The following USH2A variants were observed in gnomAD, a reference collection of about 807,000 sequenced individuals.
USH2A encodes Usher syndrome 2A (autosomal recessive, mild).
A neutral mutation model predicts 538.9 loss-of-function variants in USH2A; 443 were observed. That is an observed-to-expected ratio of 0.82 (90% CI 0.76 to 0.89). The LOEUF is 0.89. Ranked by LOEUF, USH2A falls within the 40% of genes least tolerant of loss-of-function variation. USH2A has a pLI of 0.00. For missense variants in USH2A, 6,633 were observed against 6,324.8 expected, an observed-to-expected ratio of 1.05 and a Z score of -1.65; for synonymous variants, 2,413 against 2,273.5, an observed-to-expected ratio of 1.06 and a Z score of -1.75.
chr1:216,030,134 C>A (rs1669069206), intron 32 of USH2A, among the ~76,000 whole-genome samples: 1 of 138,646 alleles, frequency 7.2e-6, no homozygotes, highest in Admixed American at 7.5e-5. Flanking sequence ...ATATACATAA[C>A]AGATATATAA....
intron 5 of USH2A, among the ~76,000 whole-genome samples, chr1:216,327,253 G>A (rs2037752003): frequency 6.6e-6 from 1 of 152,110 alleles, no homozygotes; most frequent in Non-Finnish European, 1.5e-5. Context: ...AAAGGCAGAT[G>A]TAGAAGTTTC....
chr1:216,207,367 C>T lies in USH2A; in HGVS notation c.3222G>A (p.Trp1074Ter). ...GGGCATTTGGAGAATCAGGTGGACT[C>T]CAGGAGAGATTGATAGCAGAAGAAC... is the stretch of plus-strand genomic sequence containing the variant. ...VQSSSAINLS[W>*]SPPDSPNAHW... The change falls in exon 16 of 72, where the codon TGG becomes TGA. Residue 1074 changes from tryptophan (W) to a stop codon, truncating the protein, a stop_gained. Coordinates refer to ENST00000307340, the MANE Select transcript of USH2A (RefSeq NM_206933.4). LOFTEE classifies it high-confidence loss of function. The T allele has an allele frequency of 6.2e-7, 1 of 1,613,952 alleles. No individual in the cohort carries two copies. The highest frequency in any genetic ancestry group is 8.5e-7 in the Non-Finnish European group (1 of 1,179,954).
Position 215,759,671 on chromosome 1 carries a change from C to A in USH2A, c.11220G>T (p.Glu3740Asp), listed in dbSNP as rs1170088702. ...TTCTTTTAGTTTACCTGCTATTGGG[C>A]TCCAGGTTTTTATCAGTGAAATTCT... ...EEQNFTDKNLEPNSRYTYKLE... is the reference protein window; with the variant it reads ...EEQNFTDKNLDPNSRYTYKLE... Residue 3740 changes from glutamate to aspartate, a missense_variant, in exon 57 of 72, where the codon GAG becomes GAT. Glu to Asp is a conservative substitution (Grantham distance 45). Coordinates refer to ENST00000307340, the MANE Select transcript of USH2A (RefSeq NM_206933.4). 1 of 1,613,912 alleles carries A rather than the reference C, an allele frequency of 6.2e-7. No individual in the cohort carries two copies. The highest frequency in any genetic ancestry group is 8.5e-7 in the Non-Finnish European group (1 of 1,179,858).
intron 21 of USH2A, among the ~76,000 whole-genome samples, chr1:216,120,799 C>T (rs1221023958): frequency 3.3e-5 from 5 of 151,886 alleles, no homozygotes; most frequent in South Asian, 2.1e-4. Flanking sequence ...TGCAGTGAGC[C>T]GAGATGGCGC....
intron 11 of USH2A, among the ~76,000 whole-genome samples, chr1:216,277,045 C>T (rs979293680): frequency 2.0e-5 from 3 of 152,126 alleles, no homozygotes; most frequent in African/African-American, 7.2e-5. Context: ...ACTTACCTAC[C>T]TACATATCTA....
At chr1:215,821,246 C>A (rs1663007554) in intron 47 of USH2A, among the ~76,000 whole-genome samples, 1 of 151,904 alleles carries the variant, frequency 6.6e-6, no homozygotes, top group East Asian at 1.9e-4. Context: ...TCTTCACCAG[C>A]ATCCATTATT....
At chr1:215,768,787 C>T (rs1661200841) in intron 55 of USH2A, among the ~76,000 whole-genome samples, 1 of 152,114 alleles carries the variant, frequency 6.6e-6, no homozygotes, top group South Asian at 2.1e-4. Context: ...GGGTCTTGAC[C>T]AGTGTGATAC....
rs185217352 is a variant in USH2A at position 215,716,206 on chromosome 1, G to A, written c.12066+11824C>T. ...CTGGAAAGAGTGGAAGGGGGGCGGGGGGGCCCGCCAAGTAGAAAGCCGATT... is the reference window on the plus strand; with the variant it reads ...CTGGAAAGAGTGGAAGGGGGGCGGGAGGGCCCGCCAAGTAGAAAGCCGATT... On this transcript the variant is annotated intron_variant, in intron 61 of 71. Coordinates refer to ENST00000307340, the MANE Select transcript of USH2A (RefSeq NM_206933.4). Among the ~76,000 whole-genome samples, 596 of 152,272 alleles carry A rather than the reference G, an allele frequency of 3.9e-3. 6 individuals carry two copies. Among genetic ancestry groups the A allele is most frequent in the African/African-American group, 0.014 (562 of 41,542 alleles).
chr1:216,273,278 CTG>C (rs2036609070), intron 11 of USH2A, among the ~76,000 whole-genome samples: 1 of 152,054 alleles, frequency 6.6e-6, no homozygotes, highest in Non-Finnish European at 1.5e-5. Flanking sequence ...TAGCCAGTGA[CTG>C]CAAGAGTTCT....
At chr1:215,847,952 G>A (rs1663910139) in intron 44 of USH2A, among the ~76,000 whole-genome samples, 1 of 152,126 alleles carries the variant, frequency 6.6e-6, no homozygotes, top group African/African-American at 2.4e-5. Context: ...CAGTGTAGTT[G>A]GAAGAGTTTG....
chr1:216,367,086 C>A lies in USH2A; in HGVS notation c.652-2001G>T, dbSNP rs112374496. On this transcript the variant is annotated intron_variant, in intron 3 of 71. Coordinates refer to ENST00000307340, the MANE Select transcript of USH2A (RefSeq NM_206933.4). ...TTCCATCTCTACTGTCTTTACCCAGCCAAAAGCTGATGAACAGCCAATTTT... is the reference window on the plus strand; with the variant it reads ...TTCCATCTCTACTGTCTTTACCCAGACAAAAGCTGATGAACAGCCAATTTT... Among the ~76,000 whole-genome samples, 1,221 of 152,224 alleles carry A rather than the reference C, an allele frequency of 8.0e-3. 10 individuals carry two copies. Among genetic ancestry groups the A allele is most frequent in the Non-Finnish European group, 0.012 (809 of 67,998 alleles).
chr1:216,404,172 C>T (rs2039353969), intron 3 of USH2A, among the ~76,000 whole-genome samples: 1 of 152,094 alleles, frequency 6.6e-6, no homozygotes, highest in Non-Finnish European at 1.5e-5. Context: ...GATACTTACA[C>T]CATGTTTATA....
chr1:216,396,039 T>C (rs978982227), intron 3 of USH2A, among the ~76,000 whole-genome samples: 1 of 152,190 alleles, frequency 6.6e-6, no homozygotes, highest in Non-Finnish European at 1.5e-5. Context: ...CCCTTTTCAT[T>C]GTCAAGGGGC....
chr1:215,715,923 GT>G (rs1659470139), intron 61 of USH2A, among the ~76,000 whole-genome samples: 1 of 152,198 alleles, frequency 6.6e-6, no homozygotes, highest in Non-Finnish European at 1.5e-5. Context: ...CTCAATTTGT[GT>G]AATAACCTTA....
chr1:215,678,959 G>T (rs1005739780), intron 62 of USH2A, among the ~76,000 whole-genome samples: 7 of 152,194 alleles, frequency 4.6e-5, no homozygotes, highest in African/African-American at 1.7e-4. Flanking sequence ...TGCTTTGAGG[G>T]AAAAGGAGCT....
At chr1:215,958,730 A>G (rs1428825187) in intron 37 of USH2A, among the ~76,000 whole-genome samples, 1 of 152,062 alleles carries the variant, frequency 6.6e-6, no homozygotes, top group African/African-American at 2.4e-5. Flanking sequence ...TGTAACCTCA[A>G]AAAAACCAAA....
intron 27 of USH2A, among the ~76,000 whole-genome samples, chr1:216,073,950 T>C (rs1008127164): frequency 6.6e-6 from 1 of 152,208 alleles, no homozygotes; most frequent in Non-Finnish European, 1.5e-5. Flanking sequence ...ATCTTGAACA[T>C]ACAAAATGGT....
At chr1:216,043,004 CAGACTGTG>C (rs1360437466) in intron 32 of USH2A, among the ~76,000 whole-genome samples, 1 of 152,200 alleles carries the variant, frequency 6.6e-6, no homozygotes, top group East Asian at 1.9e-4. Context: ...TTTCAGCCTC[CAGACTGTG>C]AGAAATACTT....
Position 215,931,971 on chromosome 1 carries a change from C to T in USH2A, c.7300+2645G>A, listed in dbSNP as rs142312551. ...ATGAGTAGGATTTGGCCAGATTAAACGGGTAAAGGGGATTTTCCAGGTCAT... is the reference window on the plus strand; with the variant it reads ...ATGAGTAGGATTTGGCCAGATTAAATGGGTAAAGGGGATTTTCCAGGTCAT... On this transcript the variant is annotated intron_variant, in intron 38 of 71. Coordinates refer to ENST00000307340, the MANE Select transcript of USH2A (RefSeq NM_206933.4). Among the ~76,000 whole-genome samples, 562 of 151,904 alleles carry T rather than the reference C, an allele frequency of 3.7e-3. 1 individual carries two copies. Among genetic ancestry groups the T allele is most frequent in the African/African-American group, 0.013 (531 of 41,482 alleles).
Sources: allele counts gnomAD v4.1 joint callset (sites outside exome capture counted in the v4.1 genomes callset), GRCh38; gene constraint gnomAD v4.1.1; transcripts MANE v1.5; gene names NCBI Gene and HGNC (gene_info 2026-07-23, HGNC 2026-07-21).